Variants in GALNTL6 observed in about 807,000 individuals in gnomAD.
GALNTL6 encodes polypeptide N-acetylgalactosaminyltransferase-like 6.
In GALNTL6, 46 loss-of-function variants were observed where a neutral mutation model predicts 73.7. The observed-to-expected ratio is 0.62, with a 90% CI of 0.49 to 0.80. The LOEUF (loss-of-function observed/expected upper bound fraction) is 0.80, where lower values mean the gene tolerates loss of function less well. Among genes scored for constraint, GALNTL6 ranks in the 30% least tolerant of loss-of-function variants. GALNTL6 has a pLI of 0.00. For missense variants in GALNTL6, 604 were observed against 755.0 expected (o/e 0.80, Z 2.34); for synonymous variants, 259 against 263.7 (o/e 0.98, Z 0.17).
At chr4:172,444,938 A>G (rs1013118680) in intron 5 of GALNTL6, among the ~76,000 whole-genome samples, 1 of 152,212 alleles carries the variant, frequency 6.6e-6, no homozygotes, top group African/African-American at 2.4e-5. Flanking sequence ...TCGATGTCCT[A>G]GAGTCTGAAC....
intron 2 of GALNTL6, among the ~76,000 whole-genome samples, chr4:171,948,437 G>A (rs772259424): frequency 2.6e-5 from 4 of 152,086 alleles, no homozygotes; most frequent in Non-Finnish European, 5.9e-5. Context: ...AATAAAGCTG[G>A]GGTAAATTTG....
At chr4:171,999,626 A>G (rs1270450158) in intron 2 of GALNTL6, among the ~76,000 whole-genome samples, 1 of 152,220 alleles carries the variant, frequency 6.6e-6, no homozygotes, top group South Asian at 2.1e-4. Flanking sequence ...TAAAATGTTC[A>G]TCTCTCTACT....
At chr4:172,415,317 C>T (rs1380936795) in intron 5 of GALNTL6, among the ~76,000 whole-genome samples, 1 of 152,164 alleles carries the variant, frequency 6.6e-6, no homozygotes, top group African/African-American at 2.4e-5. Context: ...AATTAACCCC[C>T]AAATCTCAGT....
intron 5 of GALNTL6, among the ~76,000 whole-genome samples, chr4:172,484,988 A>G (rs1733619059): frequency 6.6e-6 from 1 of 152,174 alleles, no homozygotes; most frequent in African/African-American, 2.4e-5. Flanking sequence ...TTTTTAATAT[A>G]AAGAGCATAA....
At chr4:172,242,730 T>C (rs1178833096) in intron 3 of GALNTL6, among the ~76,000 whole-genome samples, 1 of 152,004 alleles carries the variant, frequency 6.6e-6, no homozygotes, top group African/African-American at 2.4e-5. Flanking sequence ...AGAAATACTT[T>C]TAAATGCCAA....
Position 172,850,810 on chromosome 4 carries a change from T to A in GALNTL6, c.924-31980T>A, listed in dbSNP as rs550774706. Among the ~76,000 whole-genome samples the A allele has an allele frequency of 1.5e-3, 225 of 152,156 alleles. 2 individuals carry two copies. The highest frequency in any genetic ancestry group is 2.9e-3 in the Non-Finnish European group (196 of 68,026). On this transcript the variant is annotated intron_variant, in intron 7 of 12. Coordinates refer to ENST00000506823, the MANE Select transcript of GALNTL6 (RefSeq NM_001034845.3). ...GCTCATAGATCTCAGGGAAAGATTTTCCCTATGTTTACCCATTTATCATAA... is the reference window on the plus strand; with the variant it reads ...GCTCATAGATCTCAGGGAAAGATTTACCCTATGTTTACCCATTTATCATAA...
intron 2 of GALNTL6, among the ~76,000 whole-genome samples, chr4:172,074,199 A>T (rs1378566467): frequency 2.0e-5 from 3 of 152,232 alleles, no homozygotes; most frequent in Admixed American, 6.5e-5. Context: ...GATTACATTG[A>T]CATGAAGAAA....
At chr4:172,562,128 T>C (rs575613504) in intron 5 of GALNTL6, among the ~76,000 whole-genome samples, 23 of 152,280 alleles carry the variant, frequency 1.5e-4, no homozygotes, top group African/African-American at 5.5e-4. Context: ...GAAGCCAAAA[T>C]ATTCTCCTCC....
intron 5 of GALNTL6, among the ~76,000 whole-genome samples, chr4:172,755,846 G>T (rs891549812): frequency 6.6e-6 from 1 of 152,078 alleles, no homozygotes; most frequent in African/African-American, 2.4e-5. Context: ...CCTGTGCCTT[G>T]AATTCACCAT....
chr4:171,928,982 C>T lies in GALNTL6; in HGVS notation c.138+114264C>T, dbSNP rs370136610. On this transcript the variant is annotated intron_variant, in intron 2 of 12. Coordinates refer to ENST00000506823, the MANE Select transcript of GALNTL6 (RefSeq NM_001034845.3). ...GAAATTATACCACAATAGAATGCAT[C>T]ATTAATATATTCTACATTTCATAAT... Among the ~76,000 whole-genome samples the T allele has an allele frequency of 6.6e-5, 10 of 152,308 alleles. No individual in the cohort carries two copies. In the East Asian group the frequency reaches 9.6e-4, roughly 15 times the overall value.
chr4:172,647,800 A>G (rs1740304628), intron 5 of GALNTL6, among the ~76,000 whole-genome samples: 1 of 152,088 alleles, frequency 6.6e-6, no homozygotes, highest in Non-Finnish European at 1.5e-5. Context: ...ATGATTGCCA[A>G]AGGAGGTAGG....
At chr4:171,940,232 T>C (rs921323776) in intron 2 of GALNTL6, among the ~76,000 whole-genome samples, 3 of 151,800 alleles carry the variant, frequency 2.0e-5, no homozygotes, top group African/African-American at 7.3e-5. Flanking sequence ...CCTCAGAAAA[T>C]ACAAAAGAAA....
chr4:172,702,520 A>G (rs1200373802), intron 5 of GALNTL6, among the ~76,000 whole-genome samples: 1 of 151,310 alleles, frequency 6.6e-6, no homozygotes, highest in African/African-American at 2.4e-5. Flanking sequence ...CAAAATTTTT[A>G]TATTGAAACT....
chr4:172,343,522 T>C (rs1741641299), intron 4 of GALNTL6, among the ~76,000 whole-genome samples: 1 of 152,110 alleles, frequency 6.6e-6, no homozygotes, highest in South Asian at 2.1e-4. Context: ...TTTTTTATTG[T>C]TGAAAAAACC....
At position 172,504,171 on chromosome 4, in the gene GALNTL6, A is replaced by AAAAAAAAAAC. The variant is rs1297265192; in HGVS notation, c.553+155490_553+155491insACAAAAAAAA. Among the ~76,000 whole-genome samples, 194 of 42,640 alleles carry AAAAAAAAAAC rather than the reference A, an allele frequency of 4.5e-3. 61 individuals carry two copies. Among genetic ancestry groups the AAAAAAAAAAC allele is most frequent in the African/African-American group, 0.011 (188 of 16,570 alleles). The allele number at this position is 42,640 out of a possible 152,430, so 28.0% of individuals were successfully genotyped here. ...CGAGACTCTGTCTCAAAAAAAAAAA[A>AAAAAAAAAAC]AAAAAAAACTCACACCTTGTTGATA... is the stretch of plus-strand genomic sequence containing the variant. On this transcript the variant is annotated intron_variant, in intron 5 of 12. Transcript: ENST00000506823.
intron 5 of GALNTL6, among the ~76,000 whole-genome samples, chr4:172,494,364 T>C (rs139217996): frequency 1.6e-3 from 239 of 152,344 alleles, no homozygotes; most frequent in African/African-American, 5.4e-3. Flanking sequence ...AATTTCTTTC[T>C]CATACTCTCA....
At chr4:171,834,876 G>A (rs1409964686) in intron 2 of GALNTL6, among the ~76,000 whole-genome samples, 1 of 151,966 alleles carries the variant, frequency 6.6e-6, no homozygotes. Context: ...TCTTGTTTCA[G>A]TTTTCCCCTA....
At chr4:172,730,068 TA>T (rs1314932817) in intron 5 of GALNTL6, among the ~76,000 whole-genome samples, 1 of 152,210 alleles carries the variant, frequency 6.6e-6, no homozygotes, top group East Asian at 1.9e-4. Flanking sequence ...TACTGATTTT[TA>T]TATGTTGATT....
chr4:172,947,209 C>G (rs919326449), intron 9 of GALNTL6, among the ~76,000 whole-genome samples: 2 of 152,042 alleles, frequency 1.3e-5, no homozygotes, highest in East Asian at 3.9e-4. Flanking sequence ...GTTGATGCAC[C>G]GAGAGACATT....
Sources: allele counts gnomAD v4.1 joint callset (sites outside exome capture counted in the v4.1 genomes callset), GRCh38; gene constraint gnomAD v4.1.1; transcripts MANE v1.5; gene names NCBI Gene and HGNC (gene_info 2026-07-23, HGNC 2026-07-21).